The following PLCB4 variants were observed in gnomAD, a reference collection of about 807,000 sequenced individuals.
PLCB4 encodes phospholipase C beta 4, also known as 1-phosphatidylinositol 4,5-bisphosphate phosphodiesterase beta-4.
Under a neutral mutation model 178.8 loss-of-function variants are expected in PLCB4, and 77 were observed. That is an observed-to-expected ratio of 0.43 (90% CI 0.36 to 0.52). The LOEUF (loss-of-function observed/expected upper bound fraction) is 0.52. PLCB4 is among the 20% of genes least tolerant of loss of function. PLCB4 has a pLI of 0.00. For missense variants in PLCB4, 1,024 were observed against 1,453.4 expected (o/e 0.70, Z 4.80); for synonymous variants, 496 against 490.8 (o/e 1.01, Z -0.14).
At chr20:9,292,412 G>T (rs1211257306) in intron 3 of PLCB4, among the ~76,000 whole-genome samples, 1 of 152,074 alleles carries the variant, frequency 6.6e-6, no homozygotes, top group Non-Finnish European at 1.5e-5. Flanking sequence ...CTGCCCAGAG[G>T]TCTCCTCTAA....
intron 2 of PLCB4, among the ~76,000 whole-genome samples, chr20:9,189,578 T>A (rs1181080551): frequency 6.6e-6 from 1 of 152,200 alleles, no homozygotes; most frequent in Non-Finnish European, 1.5e-5. Flanking sequence ...ACCCACTAGA[T>A]GCCAGGAGCA....
chr20:9,170,324 T>C (rs1044062843), intron 2 of PLCB4, among the ~76,000 whole-genome samples: 5 of 152,254 alleles, frequency 3.3e-5, no homozygotes, highest in African/African-American at 1.2e-4. Context: ...GACTAATTTA[T>C]TTCTGACAGA....
intron 1 of PLCB4, among the ~76,000 whole-genome samples, chr20:9,085,894 A>G (rs1004135335): frequency 2.6e-5 from 4 of 152,180 alleles, no homozygotes; most frequent in African/African-American, 9.7e-5. Context: ...CATTTTCTGA[A>G]GAGTCCTTCA....
chr20:9,095,114 T>G (rs530349971), intron 1 of PLCB4, among the ~76,000 whole-genome samples: 1 of 152,192 alleles, frequency 6.6e-6, no homozygotes, highest in South Asian at 2.1e-4. Flanking sequence ...CCAAGAAGAG[T>G]GGAACTCATT....
intron 2 of PLCB4, among the ~76,000 whole-genome samples, chr20:9,179,685 T>C (rs888675439): frequency 1.3e-5 from 2 of 152,214 alleles, no homozygotes; most frequent in African/African-American, 4.8e-5. Flanking sequence ...GTTGGCAGTC[T>C]AGACTTGTGG....
At chr20:9,302,015 AG>A (rs2094710964) in intron 3 of PLCB4, among the ~76,000 whole-genome samples, 3 of 152,142 alleles carry the variant, frequency 2.0e-5, no homozygotes, top group South Asian at 4.1e-4. Flanking sequence ...CTCAAAGAGA[AG>A]GTGGATCCTT....
intron 4 of PLCB4, among the ~76,000 whole-genome samples, chr20:9,322,877 C>G (rs2094976371): frequency 6.6e-6 from 1 of 152,172 alleles, no homozygotes; most frequent in Non-Finnish European, 1.5e-5. Flanking sequence ...CTTTGCTACT[C>G]AAGAGATGTG....
chr20:9,157,134 T>C (rs2092805638), intron 2 of PLCB4, among the ~76,000 whole-genome samples: 1 of 151,842 alleles, frequency 6.6e-6, no homozygotes, highest in Non-Finnish European at 1.5e-5. Flanking sequence ...CCCAGTGCAT[T>C]TTCTGATTCA....
intron 2 of PLCB4, among the ~76,000 whole-genome samples, chr20:9,197,234 G>A (rs1448542211): frequency 1.3e-5 from 2 of 152,054 alleles, no homozygotes; most frequent in African/African-American, 4.8e-5. Flanking sequence ...TTTTATTATT[G>A]TCAACCCATA....
chr20:9,398,997 A>G (rs1037105159), intron 19 of PLCB4, among the ~76,000 whole-genome samples: 6 of 152,234 alleles, frequency 3.9e-5, no homozygotes, highest in Non-Finnish European at 8.8e-5. Flanking sequence ...ATGCAAAAAT[A>G]CTTTTTTAAA....
chr20:9,214,254 A>G (rs1253567035), intron 2 of PLCB4, among the ~76,000 whole-genome samples: 2 of 152,162 alleles, frequency 1.3e-5, no homozygotes, highest in African/African-American at 4.8e-5. Flanking sequence ...TAAGAATTTT[A>G]TAGTTTTACT....
intron 5 of PLCB4, 57 bp downstream of exon 5, chr20:9,337,263 T>G: frequency 1.6e-6 from 2 of 1,255,786 alleles, no homozygotes; most frequent in Non-Finnish European, 2.3e-6. Flanking sequence ...GCCATTTTGT[T>G]TCTCAACAAG....
At chr20:9,455,160 A>T (rs2042982805) in intron 33 of PLCB4, among the ~76,000 whole-genome samples, 1 of 152,226 alleles carries the variant, frequency 6.6e-6, no homozygotes, top group Non-Finnish European at 1.5e-5. Flanking sequence ...CTGATGGTAG[A>T]CAGACTCTAA....
At chr20:9,186,719 T>C (rs975343332) in intron 2 of PLCB4, among the ~76,000 whole-genome samples, 2 of 152,134 alleles carry the variant, frequency 1.3e-5, no homozygotes, top group Non-Finnish European at 2.9e-5. Context: ...ACTGAGTTCT[T>C]TTCTCTCTGC....
At chr20:9,384,554 C>T (rs576428098) in intron 14 of PLCB4, 143 bp downstream of exon 14, 188 of 638,014 alleles carry the variant, frequency 2.9e-4, no homozygotes, top group African/African-American at 2.6e-3. Context: ...GGTCATTTAA[C>T]GTTGAGAAAA....
chr20:9,403,883 A>G (rs772884683), intron 20 of PLCB4, among the ~76,000 whole-genome samples: 3 of 152,234 alleles, frequency 2.0e-5, no homozygotes, highest in Non-Finnish European at 4.4e-5. Flanking sequence ...AAGACTCAAG[A>G]GTGTCCTTTG....
intron 13 of PLCB4, among the ~76,000 whole-genome samples, chr20:9,383,885 G>A (rs2037357675): frequency 6.6e-6 from 1 of 152,194 alleles, no homozygotes; most frequent in South Asian, 2.1e-4. Context: ...AGTAGCAAGA[G>A]CAGAACTTGA....
chr20:9,233,786 G>A (rs535556166), intron 3 of PLCB4, among the ~76,000 whole-genome samples: 8 of 152,288 alleles, frequency 5.3e-5, no homozygotes, highest in Admixed American at 2.0e-4. Context: ...TTAGATGCAT[G>A]ATCACCTTTA....
chr20:9,468,230 C>T (rs1285402047), intron 35 of PLCB4, among the ~76,000 whole-genome samples: 1 of 152,046 alleles, frequency 6.6e-6, no homozygotes, highest in African/African-American at 2.4e-5. Context: ...ATCCACATAG[C>T]TTGGGGTCCC....
Sources: allele counts gnomAD v4.1 joint callset (sites outside exome capture counted in the v4.1 genomes callset), GRCh38; gene constraint gnomAD v4.1.1; transcripts MANE v1.5; gene names NCBI Gene and HGNC (gene_info 2026-07-23, HGNC 2026-07-21).